The following HEPHL1 variants were observed in gnomAD, a reference collection of about 807,000 sequenced individuals.
The protein encoded by HEPHL1 is hephaestin like 1.
HEPHL1 carries 123 observed loss-of-function variants against 122.0 expected under a neutral mutation model. That is an observed-to-expected ratio of 1.01 (90% CI 0.87 to 1.17). The LOEUF (loss-of-function observed/expected upper bound fraction) is 1.17. HEPHL1 is among the 50% of genes most tolerant of loss of function. The pLI is 0.00. For synonymous variants in HEPHL1, 527 were observed against 508.9 expected (o/e 1.04, Z -0.48); for missense variants, 1,452 against 1,430.5 (o/e 1.01, Z -0.24).
chr11:94,029,986 A>AGCATGTGTGCTCCACATGCATCT (rs1172866969), intron 1 of HEPHL1, among the ~76,000 whole-genome samples: 1 of 152,194 alleles, frequency 6.6e-6, no homozygotes, highest in African/African-American at 2.4e-5. Context: ...TGAAGATGTG[A>AGCATGTGTGCTCCACATGCATCT]GCATGTGTGC....
intron 2 of HEPHL1, among the ~76,000 whole-genome samples, chr11:94,062,710 T>G (rs1945996405): frequency 6.6e-6 from 1 of 152,086 alleles, no homozygotes; most frequent in South Asian, 2.1e-4. Context: ...TCACCTCTGT[T>G]GTAGAGCTTC....
chr11:94,033,645 AT>A (rs2134406325), intron 1 of HEPHL1, among the ~76,000 whole-genome samples: 1 of 152,292 alleles, frequency 6.6e-6, no homozygotes, highest in South Asian at 2.1e-4. Flanking sequence ...GGGTATTCAA[AT>A]ATGGTAACCT....
At chr11:94,060,410 G>A (rs997473967) in intron 2 of HEPHL1, among the ~76,000 whole-genome samples, 1 of 151,750 alleles carries the variant, frequency 6.6e-6, no homozygotes, top group African/African-American at 2.4e-5. Context: ...TTAGGCACAT[G>A]TTATAAATGA....
chr11:94,083,258 T>G (rs1025071893), intron 10 of HEPHL1, among the ~76,000 whole-genome samples: 4 of 152,214 alleles, frequency 2.6e-5, no homozygotes, highest in Non-Finnish European at 4.4e-5. Context: ...GTATGAATGA[T>G]TTAATTAAGT....
chr11:94,037,627 C>T (rs572879656), intron 1 of HEPHL1, among the ~76,000 whole-genome samples: 1 of 152,268 alleles, frequency 6.6e-6, no homozygotes, highest in African/African-American at 2.4e-5. Context: ...CCTCACACAG[C>T]AGGGTATTCC....
At chr11:94,024,873 C>A (rs1190178795) in intron 1 of HEPHL1, among the ~76,000 whole-genome samples, 5 of 152,112 alleles carry the variant, frequency 3.3e-5, no homozygotes, top group African/African-American at 1.2e-4. Flanking sequence ...TGACAATATC[C>A]TATGGAGGAT....
At chr11:94,093,366 G>A (rs1293890459) in intron 12 of HEPHL1, 135 bp from the exon 13 acceptor site, 7 of 916,430 alleles carry the variant, frequency 7.6e-6, no homozygotes, top group Non-Finnish European at 1.2e-5. Flanking sequence ...GGTGCAAAAG[G>A]CCTGCTCCCC....
chr11:94,098,059 T>C (rs1053930881), intron 13 of HEPHL1, among the ~76,000 whole-genome samples: 9 of 152,228 alleles, frequency 5.9e-5, no homozygotes, highest in African/African-American at 2.2e-4. Context: ...CCTGTCATTA[T>C]GATGTTAGCT....
At chr11:94,059,640 C>T (rs980352334) in intron 2 of HEPHL1, among the ~76,000 whole-genome samples, 1 of 152,096 alleles carries the variant, frequency 6.6e-6, no homozygotes, top group Non-Finnish European at 1.5e-5. Flanking sequence ...TTAATAAATT[C>T]TTTTGAAAAT....
intron 1 of HEPHL1, among the ~76,000 whole-genome samples, chr11:94,037,682 A>C (rs12798009): frequency 6.6e-6 from 1 of 152,256 alleles, no homozygotes; most frequent in African/African-American, 2.4e-5. Flanking sequence ...AGGAAAAATA[A>C]CAAACAGAAA....
intron 2 of HEPHL1, among the ~76,000 whole-genome samples, chr11:94,058,108 A>G (rs1945955189): frequency 6.6e-6 from 1 of 152,136 alleles, no homozygotes. Context: ...TGATTTGAAG[A>G]AGTTGTGCCT....
chr11:94,066,922 C>T (rs1434561308), intron 4 of HEPHL1, among the ~76,000 whole-genome samples: 1 of 152,190 alleles, frequency 6.6e-6, no homozygotes, highest in Admixed American at 6.5e-5. Flanking sequence ...GTAGTAAAAA[C>T]TGTTTTTCTC....
intron 1 of HEPHL1, among the ~76,000 whole-genome samples, chr11:94,024,094 G>A (rs1326631374): frequency 2.0e-5 from 3 of 152,184 alleles, no homozygotes; most frequent in African/African-American, 7.2e-5. Context: ...CTCCTGGAGG[G>A]TGAATAGGCT....
intron 2 of HEPHL1, among the ~76,000 whole-genome samples, chr11:94,056,762 A>C (rs921995519): frequency 2.6e-5 from 4 of 152,050 alleles, no homozygotes; most frequent in African/African-American, 9.6e-5. Context: ...TTGGTGCTTT[A>C]TATTACTTTA....
intron 1 of HEPHL1, among the ~76,000 whole-genome samples, chr11:94,043,606 T>A (rs1292817102): frequency 2.6e-5 from 4 of 152,076 alleles, no homozygotes; most frequent in African/African-American, 9.7e-5. Flanking sequence ...GTGGGACAGG[T>A]GTGCTCTCCC....
At chr11:94,107,770 T>C (rs1038279852) in intron 17 of HEPHL1, among the ~76,000 whole-genome samples, 1 of 152,210 alleles carries the variant, frequency 6.6e-6, no homozygotes, top group African/African-American at 2.4e-5. Flanking sequence ...TATAATGCAG[T>C]TTGTTTATCT....
At chr11:94,106,349 G>A (rs1946408582) in intron 17 of HEPHL1, among the ~76,000 whole-genome samples, 1 of 148,232 alleles carries the variant, frequency 6.7e-6, no homozygotes, top group South Asian at 2.1e-4. Context: ...GCGGAGTGCA[G>A]TGGCACAATC....
At chr11:94,063,296 C>T (rs1946001539) in intron 2 of HEPHL1, among the ~76,000 whole-genome samples, 1 of 152,096 alleles carries the variant, frequency 6.6e-6, no homozygotes, top group African/African-American at 2.4e-5. Context: ...TCATTTAGTT[C>T]TTATATCCCT....
chr11:94,086,654 G>A (rs1591482836), intron 11 of HEPHL1, among the ~76,000 whole-genome samples: 1 of 152,124 alleles, frequency 6.6e-6, no homozygotes, highest in Non-Finnish European at 1.5e-5. Flanking sequence ...CTTTTGATTG[G>A]GGGAATTCTC....
Sources: allele counts gnomAD v4.1 joint callset (sites outside exome capture counted in the v4.1 genomes callset), GRCh38; gene constraint gnomAD v4.1.1; transcripts MANE v1.5; gene names NCBI Gene and HGNC (gene_info 2026-07-23, HGNC 2026-07-21).